IZUMO1R: variants seen among roughly 807,000 people sequenced by gnomAD.
The protein encoded by IZUMO1R is sperm-egg fusion protein Juno.
IZUMO1R carries 24 observed loss-of-function variants against 22.1 expected under a neutral mutation model. The observed-to-expected ratio is 1.09, with a 90% CI of 0.79 to 1.53. The LOEUF is 1.53. IZUMO1R is among the 40% of genes most tolerant of loss of function. IZUMO1R has a pLI of 0.00. For missense variants in IZUMO1R, 308 were observed against 314.9 expected (o/e 0.98, Z 0.17); for synonymous variants, 133 against 121.2 (o/e 1.10, Z -0.64).
chr11:94,307,770 T>C lies in IZUMO1R; in HGVS notation c.*78T>C, dbSNP rs978264640. 5.0e-5 allele frequency: 74 copies of C among 1,486,724 alleles called. 1 individual carries two copies. The South Asian group carries it at 6.0e-4, about 12-fold the overall frequency. 92.1% of individuals were successfully genotyped at this position (1,486,724 alleles called of 1,614,324 possible). ...GCCAGGCCATGGCCTACCTCCTTCC[T>C]CAGGCCCTCCCCTAAAAGCAGTGGC... On this transcript the variant is annotated 3_prime_UTR_variant, in exon 5 of 5. Transcript: ENST00000687084.
chr11:94,306,899 C>T (rs1245056290), intron 3 of IZUMO1R, among the ~76,000 whole-genome samples, 177 bp downstream of exon 3: 4 of 152,134 alleles, frequency 2.6e-5, no homozygotes, highest in Non-Finnish European at 5.9e-5. Context: ...GTTCTGACAA[C>T]AGTGGGATGA....
chr11:94,307,736 GTGGGTCAGGCCAGGCCATGGCC>G lies in IZUMO1R; in HGVS notation c.*46_*67del. ...TCACATTCCTGCATGTCCACCAACT[GTGGGTCAGGCCAGGCCATGGCC>G]TACCTCCTTCCTCAGGCCCTCCCCT... On this transcript the variant is annotated 3_prime_UTR_variant, in exon 5 of 5. Transcript: ENST00000687084. 6.2e-7 allele frequency: 1 copy of G among 1,602,428 alleles called. No homozygotes were observed. Among genetic ancestry groups the G allele is most frequent in the Non-Finnish European group, 8.5e-7 (1 of 1,172,518 alleles).
chr11:94,306,557 C>T lies in IZUMO1R; in HGVS notation c.183C>T (p.Ser61=), dbSNP rs367681385. ...ATGCCTGCTGCACCCTCACGACAAGCTGGGAAGCCCATCTGGATGTATCCC... is the reference window on the plus strand; with the variant it reads ...ATGCCTGCTGCACCCTCACGACAAGTTGGGAAGCCCATCTGGATGTATCCC... ...KDNACCTLTT[S]WEAHLDVSPL... Residue 61 remains serine (S), a synonymous_variant, in exon 3 of 5, where the codon AGC becomes AGT. Transcript: ENST00000687084. 2.8e-5 allele frequency: 45 copies of T among 1,613,836 alleles called. No homozygotes were observed. The highest frequency in any genetic ancestry group is 3.2e-5 in the Non-Finnish European group (38 of 1,179,886).
At position 94,307,181 on chromosome 11, in the gene IZUMO1R, A is replaced by G; in HGVS notation, c.365A>G (p.Gln122Arg). ...SLGWEVAPSGQGERVVNVPLC... is the reference protein window; with the variant it reads ...SLGWEVAPSGRGERVVNVPLC... ...TGCACCCAGGTGGCCCCGAGTGGGC[A>G]GGGAGAGCGAGTTGTGAATGTGCCG... The change falls in exon 4 of 5, where the codon CAG (glutamine) becomes CGG (arginine). Residue 122 changes from glutamine (Q) to arginine (R), a missense_variant. By Grantham distance (43) the Gln-to-Arg change is conservative (BLOSUM62 1). Transcript: ENST00000687084. The G allele has an allele frequency of 5.6e-6, 9 of 1,598,942 alleles. No individual in the cohort carries two copies. The highest frequency in any genetic ancestry group is 7.7e-6 in the Non-Finnish European group (9 of 1,172,750).
In IZUMO1R at chr11:94,307,223, G is replaced by A. The variant is rs1944030672; in HGVS notation, c.407G>A (p.Cys136Tyr). 6.2e-7 allele frequency: 1 copy of A among 1,607,040 alleles called. No homozygotes were observed. Among genetic ancestry groups the A allele is most frequent in the African/African-American group, 1.3e-5 (1 of 74,884 alleles). Residue 136 changes from cysteine (C) to tyrosine (Y), a missense_variant, in exon 4 of 5, where the codon TGT becomes TAT. Coordinates refer to ENST00000687084, the MANE Select transcript of IZUMO1R (RefSeq NM_001199206.4). ...AATGTGCCGCTGTGCCAGGAGGACT[G>A]TGAGGAGTGGTGGGAAGACTGTCGC... is the stretch of plus-strand genomic sequence containing the variant. ...VVNVPLCQEDCEEWWEDCRMS... is the reference protein window; with the variant it reads ...VVNVPLCQEDYEEWWEDCRMS...
Position 94,307,677 on chromosome 11 carries a change from GC to G in IZUMO1R, c.740del (p.Pro247ArgfsTer42). The G allele has an allele frequency of 6.2e-7, 1 of 1,612,744 alleles. No homozygotes were observed. The highest frequency in any genetic ancestry group is 8.5e-7 in the Non-Finnish European group (1 of 1,178,954). ...YTIMVCSLFLPFLS is the reference protein window; with the variant it reads ...YTIMVCSLFLXFLS ...CCATCATGGTCTGCTCCCTGTTCCT[GC>G]CGTTCCTTTCCTGAGAGCCCTTCTT... is the stretch of plus-strand genomic sequence containing the variant. On this transcript the variant is annotated frameshift_variant, in exon 5 of 5. Transcript: ENST00000687084. LOFTEE classifies it high-confidence loss of function.
intron 2 of IZUMO1R, 47 bp from the exon 3 acceptor site, chr11:94,306,466 T>C (rs1483010056): frequency 6.4e-7 from 1 of 1,569,642 alleles, no homozygotes; most frequent in Non-Finnish European, 8.8e-7. Context: ...CACTTGCCGA[T>C]CCTTGCCCCT....
At position 94,306,706 on chromosome 11, in the gene IZUMO1R, G is replaced by A; in HGVS notation, c.332G>A (p.Gly111Glu). Residue 111 changes from glycine to glutamate, a missense_variant, in exon 3 of 5, where the codon GGA becomes GAA. By Grantham distance (98) the Gly-to-Glu change is moderately conservative. Coordinates refer to ENST00000687084, the MANE Select transcript of IZUMO1R (RefSeq NM_001199206.4). ...PNLGPWIQPV[G>E]SLGWEVAPSG... ...CTGGGGCCCTGGATCCAGCCAGTGG[G>A]AAGCCTGGGGTGGGAGGTAGGAAGC... 2 of 1,613,976 alleles carry A rather than the reference G, an allele frequency of 1.2e-6. No individual in the cohort carries two copies. Among genetic ancestry groups the A allele is most frequent in the Non-Finnish European group, 1.7e-6 (2 of 1,179,880 alleles).
chr11:94,305,848 C>T, intron 2 of IZUMO1R, 74 bp downstream of exon 2: 10 of 1,510,926 alleles, frequency 6.6e-6, no homozygotes, highest in South Asian at 1.2e-5. Flanking sequence ...GGTCTCCGAA[C>T]CTCATCAACC....
Position 94,307,591 on chromosome 11 carries a change from C to A in IZUMO1R, c.652C>A (p.Pro218Thr). The change falls in exon 5 of 5, where the codon CCC becomes ACC. Residue 218 changes from proline to threonine, a missense_variant. Physicochemically the swap from Pro to Thr is conservative, Grantham distance 38. Coordinates refer to ENST00000687084, the MANE Select transcript of IZUMO1R (RefSeq NM_001199206.4). ...GTGGTTTGAGCCTGCTCAGGGCAAC[C>A]CCAATGTGGCCGTGGCCCGCCTCTT... ...QKWFEPAQGNPNVAVARLFAS... is the reference protein window; with the variant it reads ...QKWFEPAQGNTNVAVARLFAS... The A allele has an allele frequency of 6.2e-7, 1 of 1,613,914 alleles. No homozygotes were observed. Among genetic ancestry groups the A allele is most frequent in the Non-Finnish European group, 8.5e-7 (1 of 1,179,854 alleles).
chr11:94,305,047 G>A (rs985401654), intron 1 of IZUMO1R, among the ~76,000 whole-genome samples, 168 bp downstream of exon 1: 2 of 152,162 alleles, frequency 1.3e-5, no homozygotes, highest in Non-Finnish European at 2.9e-5. Flanking sequence ...GGGGGGCTGG[G>A]CTCTTCTTCC....
rs771940733 is a variant in IZUMO1R, at chr11:94,307,542, G to C, written c.603G>C (p.Arg201=). Residue 201 remains arginine, a synonymous_variant, in exon 5 of 5, where the codon CGG becomes CGC. Transcript: ENST00000687084. ...SNSFKASPER[R]NSGRCLQKWF... ...CCTTCAAAGCCAGCCCTGAGCGACG[G>C]AACAGTGGGCGGTGTCTCCAGAAGT... 6.2e-7 allele frequency: 1 copy of C among 1,613,618 alleles called. No homozygotes were observed. Among genetic ancestry groups the C allele is most frequent in the African/African-American group, 1.3e-5 (1 of 74,934 alleles).
intron 1 of IZUMO1R, among the ~76,000 whole-genome samples, 60 bp downstream of exon 1, chr11:94,304,939 T>C (rs1237807916): frequency 6.6e-6 from 1 of 152,178 alleles, no homozygotes; most frequent in African/African-American, 2.4e-5. Context: ...CTAACAGATC[T>C]GATTCTTTAA....
chr11:94,306,796 C>T (rs2134629576), intron 3 of IZUMO1R, 74 bp downstream of exon 3: 1 of 1,425,200 alleles, frequency 7.0e-7, no homozygotes, highest in Non-Finnish European at 9.8e-7. Flanking sequence ...TATGCTGATG[C>T]CGCCAGGATG....
chr11:94,307,188 G>A lies in IZUMO1R; in HGVS notation c.372G>A (p.Glu124=). 2 of 1,600,660 alleles carry A rather than the reference G, an allele frequency of 1.2e-6. No homozygotes were observed. Among genetic ancestry groups the A allele is most frequent in the Non-Finnish European group, 1.7e-6 (2 of 1,173,620 alleles). ...GWEVAPSGQG[E]RVVNVPLCQE... is the part of the protein sequence containing the mutation. ...AGGTGGCCCCGAGTGGGCAGGGAGA[G>A]CGAGTTGTGAATGTGCCGCTGTGCC... Residue 124 remains glutamate (E), a synonymous_variant, in exon 4 of 5, where the codon GAG becomes GAA. Coordinates refer to ENST00000687084, the MANE Select transcript of IZUMO1R (RefSeq NM_001199206.4).
rs1463476076 is a variant in IZUMO1R at position 94,307,415 on chromosome 11, C to T, written c.485-9C>T. 1.2e-6 allele frequency: 2 copies of T among 1,613,680 alleles called. No individual in the cohort carries two copies. Among genetic ancestry groups the T allele is most frequent in the Non-Finnish European group, 1.7e-6 (2 of 1,179,718 alleles). On this transcript the variant is annotated splice_polypyrimidine_tract_variant and intron_variant, in intron 4 of 4. Transcript: ENST00000687084. ...AGGAGGTAAGCTGTCCCTCCTCCAT[C>T]CCCTGCAGGGAAGAACCGCTGCCCC...
chr11:94,307,709 A>G lies in IZUMO1R; in HGVS notation c.*17A>G. Reference sequence around the variant, plus strand: ...CTTTCCTGAGAGCCCTTCTTCTCCCACTCACATTCCTGCATGTCCACCAAC... The same window carrying G: ...CTTTCCTGAGAGCCCTTCTTCTCCCGCTCACATTCCTGCATGTCCACCAAC... On this transcript the variant is annotated 3_prime_UTR_variant, in exon 5 of 5. Coordinates refer to ENST00000687084, the MANE Select transcript of IZUMO1R (RefSeq NM_001199206.4). 1 of 1,607,706 alleles carries G rather than the reference A, an allele frequency of 6.2e-7. No individual in the cohort carries two copies. Among genetic ancestry groups the G allele is most frequent in the Middle Eastern group, 1.7e-4 (1 of 6,046 alleles).
intron 1 of IZUMO1R, among the ~76,000 whole-genome samples, chr11:94,305,191 C>T (rs1591571821): frequency 6.6e-6 from 1 of 152,092 alleles, no homozygotes; most frequent in East Asian, 1.9e-4. Context: ...AGGTGAGGGG[C>T]CCTGTGTCCT....
chr11:94,305,865 A>G (rs574544298), intron 2 of IZUMO1R, 91 bp downstream of exon 2: 2 of 1,448,918 alleles, frequency 1.4e-6, no homozygotes, highest in Admixed American at 4.1e-5. Context: ...AACCCTGATC[A>G]TTTGGTTCCT....
Sources: gnomAD v4.1 joint callset for allele counts (sites outside exome capture counted in the v4.1 genomes callset) on GRCh38, gnomAD v4.1.1 for gene constraint, MANE v1.5 for transcripts, NCBI Gene and HGNC (gene_info 2026-07-23, HGNC 2026-07-21) for gene names.